Variants in IDH3A observed in about 807,000 individuals in gnomAD.
The protein encoded by IDH3A is isocitrate dehydrogenase (NAD(+)) 3 catalytic subunit alpha, also known as isocitrate dehydrogenase [NAD] subunit alpha, mitochondrial.
A neutral mutation model predicts 43.3 loss-of-function variants in IDH3A; 23 were observed. The ratio of observed to expected loss-of-function variants is 0.53; its 90% CI spans 0.38 to 0.75. IDH3A has a LOEUF of 0.75. Ranked by LOEUF, IDH3A falls within the 30% of genes least tolerant of loss-of-function variation. IDH3A has a pLI of 0.00. For missense variants in IDH3A, 329 were observed against 474.4 expected, an observed-to-expected ratio of 0.69 and a Z score of 2.85; for synonymous variants, 154 against 163.5, an observed-to-expected ratio of 0.94 and a Z score of 0.44.
chr15:78,156,472 G>A (rs897767796), intron 2 of IDH3A, among the ~76,000 whole-genome samples: 3 of 152,008 alleles, frequency 2.0e-5, no homozygotes, highest in Admixed American at 1.3e-4. Flanking sequence ...AATGTAGTGA[G>A]TCCTCATCTC....
intron 8 of IDH3A, among the ~76,000 whole-genome samples, chr15:78,164,311 C>G (rs896592870): frequency 2.0e-5 from 3 of 151,512 alleles, no homozygotes; most frequent in African/African-American, 4.9e-5. Flanking sequence ...CTCTCCCCCC[C>G]CGACACACAC....
intron 1 of IDH3A, among the ~76,000 whole-genome samples, chr15:78,152,082 G>C (rs2074581119): frequency 1.5e-5 from 2 of 133,816 alleles, no homozygotes; most frequent in East Asian, 4.4e-4. Context: ...TTTTGAGACA[G>C]AGTTTTGCTC....
At chr15:78,157,172 C>T in intron 2 of IDH3A, 1 of 1,108,858 alleles carries the variant, frequency 9.0e-7, no homozygotes, top group Non-Finnish European at 1.1e-6. Context: ...AGTGAGAGAA[C>T]ATTGTTAATT....
At chr15:78,155,187 A>G (rs1596375667) in intron 1 of IDH3A, 26 bp from the exon 2 acceptor site, 15 of 1,562,664 alleles carry the variant, frequency 9.6e-6, no homozygotes, top group African/African-American at 1.4e-5. Context: ...TCTGTGTGTG[A>G]TATTTCTCTG....
At position 78,161,310 on chromosome 15, in the gene IDH3A, C is replaced by G. The variant is rs1595869178; in HGVS notation, c.290-271C>G. 6.6e-6 allele frequency among the ~76,000 whole-genome samples: 1 copy of G among 152,146 alleles called. No homozygotes were observed. The highest frequency in any genetic ancestry group is 2.4e-5 in the African/African-American group (1 of 41,398). On this transcript the variant is annotated intron_variant, in intron 4 of 10. Coordinates refer to ENST00000299518, the MANE Select transcript of IDH3A (RefSeq NM_005530.3). The surrounding 1 kb of genome is among the most constrained non-coding windows in gnomAD (Gnocchi z 4.8). ...TTTCGTCATTTTTAAATGACAGTAACAGAGTTGCTGTTGTACGGGGTGATG... is the reference window on the plus strand; with the variant it reads ...TTTCGTCATTTTTAAATGACAGTAAGAGAGTTGCTGTTGTACGGGGTGATG...
chr15:78,170,654 G>C lies in IDH3A; in HGVS notation c.*1649G>C, dbSNP rs2074808574. On this transcript the variant is annotated 3_prime_UTR_variant, in exon 11 of 11. Transcript: ENST00000299518. ...TTCAGAATGGAAGTGGGGTGGTCTG[G>C]TGGCGACAGGCTAACGTAGAGCTGG... 6.7e-6 allele frequency: 1 copy of C among 149,328 alleles called. No homozygotes were observed. The highest frequency in any genetic ancestry group is 2.1e-4 in the South Asian group (1 of 4,822). The allele number at this position is 149,328 out of a possible 1,614,324, so 9.3% of individuals were successfully genotyped here.
At chr15:78,153,702 C>A (rs553042506) in intron 1 of IDH3A, among the ~76,000 whole-genome samples, 265 of 152,244 alleles carry the variant, frequency 1.7e-3, no homozygotes, top group African/African-American at 6.0e-3. Flanking sequence ...ATGTATCTAG[C>A]AGGAGAAAAA....
At chr15:78,153,017 C>T (rs2074592187) in intron 1 of IDH3A, among the ~76,000 whole-genome samples, 1 of 152,096 alleles carries the variant, frequency 6.6e-6, no homozygotes, top group Admixed American at 6.6e-5. Context: ...TCCTTACACT[C>T]CTGGGTTTAC....
chr15:78,168,795 T>TGAG, intron 10 of IDH3A, 127 bp from the exon 11 acceptor site: 5 of 647,610 alleles, frequency 7.7e-6, no homozygotes, highest in Non-Finnish European at 1.4e-5. Flanking sequence ...CACTTTGAAA[T>TGAG]GAGGAACTAA....
At chr15:78,155,964 C>T (rs2141942895) in intron 2 of IDH3A, among the ~76,000 whole-genome samples, 1 of 152,308 alleles carries the variant, frequency 6.6e-6, no homozygotes, top group African/African-American at 2.4e-5. Flanking sequence ...CATATAACAT[C>T]TATGCCGTGA....
At chr15:78,168,725 A>G (rs550812123) in intron 10 of IDH3A, 197 bp from the exon 11 acceptor site, 14 of 511,866 alleles carry the variant, frequency 2.7e-5, no homozygotes, top group Non-Finnish European at 5.0e-5. Flanking sequence ...GCTGTTGTAT[A>G]CACTATGAGA....
intron 2 of IDH3A, among the ~76,000 whole-genome samples, chr15:78,155,927 AT>A (rs1437557806): frequency 6.6e-6 from 1 of 152,172 alleles, no homozygotes; most frequent in Non-Finnish European, 1.5e-5. Context: ...ATGGAATCTG[AT>A]TTGGATTTCA....
chr15:78,163,681 T>G (rs2074707100), intron 7 of IDH3A, 35 bp from the exon 8 acceptor site: 1 of 1,596,028 alleles, frequency 6.3e-7, no homozygotes, highest in East Asian at 2.2e-5. Context: ...GGATGCAGAT[T>G]TTGATTACTA....
chr15:78,166,050 T>C, intron 9 of IDH3A, 100 bp from the exon 10 acceptor site: 4 of 1,123,286 alleles, frequency 3.6e-6, no homozygotes, highest in Non-Finnish European at 5.3e-6. Context: ...AGTGCATATT[T>C]TGTATTGCTG....
intron 1 of IDH3A, among the ~76,000 whole-genome samples, chr15:78,152,524 C>G (rs891326690): frequency 7.3e-5 from 11 of 151,378 alleles, no homozygotes; most frequent in African/African-American, 2.7e-4. Flanking sequence ...CCACGCCTGG[C>G]TAATTTTGTA....
chr15:78,149,545 G>GC, intron 1 of IDH3A, 115 bp downstream of exon 1: 1 of 878,984 alleles, frequency 1.1e-6, no homozygotes, highest in Non-Finnish European at 1.6e-6. Context: ...GGCGGTGGCT[G>GC]CCCGCGGGGA....
Position 78,169,054 on chromosome 15 carries a change from T to C in IDH3A, c.*49T>C. 6 of 1,169,090 alleles carry C rather than the reference T, an allele frequency of 5.1e-6. No homozygotes were observed. The highest frequency in any genetic ancestry group is 7.6e-6 in the Non-Finnish European group (6 of 785,516). The allele number at this position is 1,169,090 out of a possible 1,614,324, so 72.4% of individuals were successfully genotyped here. ...TCAGTCACTCTAAATGGACACCACATGAACCTCTGTTTAGAATACCTACGT... is the reference window on the plus strand; with the variant it reads ...TCAGTCACTCTAAATGGACACCACACGAACCTCTGTTTAGAATACCTACGT... On this transcript the variant is annotated 3_prime_UTR_variant, in exon 11 of 11. Transcript: ENST00000299518.
chr15:78,165,090 C>T lies in IDH3A; in HGVS notation c.864+14C>T, dbSNP rs1216565032. On this transcript the variant is annotated intron_variant, in intron 9 of 10. Transcript: ENST00000299518. ...ATTTTTGAGTCGGTAAGGACCCTGA[C>T]ACCTGAAACAGAACTCAGGTCAGAA... 1.3e-6 allele frequency: 2 copies of T among 1,563,230 alleles called. No individual in the cohort carries two copies. The highest frequency in any genetic ancestry group is 1.4e-5 in the African/African-American group (1 of 73,824).
intron 1 of IDH3A, chr15:78,150,986 GGCACTAAAGCA>G (rs1180738423): frequency 6.6e-6 from 1 of 152,230 alleles, no homozygotes; most frequent in Non-Finnish European, 1.5e-5. Context: ...TTCACAGTGA[GGCACTAAAGCA>G]ACACTTGATA....
Sources: gnomAD v4.1 joint callset for allele counts (sites outside exome capture counted in the v4.1 genomes callset) on GRCh38, gnomAD v4.1.1 for gene constraint, Gnocchi (gnomAD v3.1) non-coding constraint, MANE v1.5 for transcripts, NCBI Gene and HGNC (gene_info 2026-07-23, HGNC 2026-07-21) for gene names.